Variants in ANKRD11 observed in about 807,000 individuals in gnomAD.
ANKRD11 encodes ankyrin repeat domain 11, also known as ankyrin repeat domain-containing protein 11.
Under a neutral mutation model 195.7 loss-of-function variants are expected in ANKRD11, and 17 were observed. That is an observed-to-expected ratio of 0.09 (90% CI 0.06 to 0.13). The LOEUF (loss-of-function observed/expected upper bound fraction) is 0.13, where lower values mean the gene tolerates loss of function less well. Among genes scored for constraint, ANKRD11 ranks in the 10% least tolerant of loss-of-function variants. The probability of loss-of-function intolerance (pLI) is 1.00; values close to 1 mark genes in which losing one functional copy is unlikely to be tolerated. For synonymous variants in ANKRD11, 1,953 were observed against 1,528.1 expected, an observed-to-expected ratio of 1.28 and a Z score of -6.49; for missense variants, 3,735 against 3,566.1, an observed-to-expected ratio of 1.05 and a Z score of -1.21.
chr16:89,383,322 TGGCTGCTCTGGAGGGGCAGC>T (rs1202811216), intron 2 of ANKRD11, among the ~76,000 whole-genome samples: 1 of 152,248 alleles, frequency 6.6e-6, no homozygotes, highest in Non-Finnish European at 1.5e-5. Context: ...CATGCCTGCC[TGGCTGCTCTGGAGGGGCAGC>T]AGCAGCCCCA....
intron 2 of ANKRD11, among the ~76,000 whole-genome samples, chr16:89,350,703 T>G (rs2039173446): frequency 6.6e-6 from 1 of 152,212 alleles, no homozygotes; most frequent in Non-Finnish European, 1.5e-5. Context: ...AATACTACTC[T>G]GTATCATGAC....
At chr16:89,321,445 T>TGGGGCGGGAGCTGC (rs1304941274) in intron 2 of ANKRD11, among the ~76,000 whole-genome samples, 1 of 8,520 alleles carries the variant, frequency 1.2e-4, no homozygotes, top group African/African-American at 5.2e-4. Flanking sequence ...GGGCAGGGTG[T>TGGGGCGGGAGCTGC]GGGGCGGGAG....
At position 89,286,369 on chromosome 16, in the gene ANKRD11, C is replaced by T. The variant is rs563255182; in HGVS notation, c.745-183G>A. 1,948 of 864,054 alleles carry T rather than the reference C, an allele frequency of 2.3e-3. 7 individuals carry two copies. Among genetic ancestry groups the T allele is most frequent in the Non-Finnish European group, 2.9e-3 (1,595 of 549,562 alleles). The allele number at this position is 864,054 out of a possible 1,614,324, so 53.5% of individuals were successfully genotyped here. On this transcript the variant is annotated intron_variant, in intron 7 of 12. Transcript: ENST00000301030. ...CTGGCGAGGCTCTGGGTGTGGTGGG[C>T]GAGGCTGTGGCTCCTCTGTGGGAAG...
chr16:89,451,199 C>G (rs1045249860), intron 1 of ANKRD11, among the ~76,000 whole-genome samples: 1 of 152,160 alleles, frequency 6.6e-6, no homozygotes, highest in Admixed American at 6.5e-5. Context: ...TACAGACTAG[C>G]CTAACAAGTG....
chr16:89,385,605 C>A (rs1474302979), intron 2 of ANKRD11, among the ~76,000 whole-genome samples: 1 of 152,178 alleles, frequency 6.6e-6, no homozygotes, highest in Non-Finnish European at 1.5e-5. Flanking sequence ...TCACCATATT[C>A]CCAACACAAC....
intron 3 of ANKRD11, among the ~76,000 whole-genome samples, chr16:89,307,989 GGAAGGTTCTACCAAACATGT>G (rs2036394428): frequency 6.6e-6 from 1 of 151,602 alleles, no homozygotes; most frequent in South Asian, 2.1e-4. Flanking sequence ...CCTGATGAGG[GGAAGGTTCTACCAAACATGT>G]GAAGGTTCTA....
chr16:89,380,812 G>C (rs141037620), intron 2 of ANKRD11, among the ~76,000 whole-genome samples: 30 of 152,370 alleles, frequency 2.0e-4, no homozygotes, highest in South Asian at 4.1e-4. Flanking sequence ...CGAGCACTGG[G>C]GCTTATGGGA....
chr16:89,365,581 G>A (rs2039909261), intron 2 of ANKRD11, among the ~76,000 whole-genome samples: 2 of 152,242 alleles, frequency 1.3e-5, no homozygotes, highest in Non-Finnish European at 2.9e-5. Context: ...TATGTCTTGT[G>A]TATGCCTTAA....
At chr16:89,296,722 C>T (rs531762609) in intron 4 of ANKRD11, among the ~76,000 whole-genome samples, 2 of 152,234 alleles carry the variant, frequency 1.3e-5, no homozygotes, top group African/African-American at 2.4e-5. Flanking sequence ...CCAGGCTCTT[C>T]GTCTGTCTAC....
chr16:89,364,901 A>G (rs1182296506), intron 2 of ANKRD11, among the ~76,000 whole-genome samples: 2 of 152,238 alleles, frequency 1.3e-5, no homozygotes, highest in Non-Finnish European at 2.9e-5. Flanking sequence ...GAAAAGCCTC[A>G]TCGAATGCTG....
intron 2 of ANKRD11, among the ~76,000 whole-genome samples, chr16:89,379,127 C>T (rs1486007151): frequency 2.6e-5 from 4 of 152,208 alleles, no homozygotes; most frequent in Non-Finnish European, 5.9e-5. Flanking sequence ...TTCTCACTGG[C>T]TTCTAGAAGG....
chr16:89,324,388 T>C (rs1269271686), intron 2 of ANKRD11: 2 of 619,508 alleles, frequency 3.2e-6, no homozygotes, highest in Admixed American at 4.7e-5. Context: ...GGGCGCAAAG[T>C]TCTCAGCTTC....
At chr16:89,268,731 C>G (rs2032855439) in intron 12 of ANKRD11, 68 bp from the exon 13 acceptor site, 11 of 1,525,362 alleles carry the variant, frequency 7.2e-6, no homozygotes, top group Non-Finnish European at 9.8e-6. Flanking sequence ...CTGCCGACCT[C>G]AGCTGCCAGC....
intron 1 of ANKRD11, among the ~76,000 whole-genome samples, chr16:89,480,129 C>A (rs1183312578): frequency 6.7e-6 from 1 of 148,722 alleles, no homozygotes; most frequent in East Asian, 2.0e-4. Context: ...AAAATTAAGT[C>A]TTTCCTGCCA....
In ANKRD11 at chr16:89,282,113, G is replaced by T. The variant is rs199761925; in HGVS notation, c.4429C>A (p.Arg1477=). Residue 1477 remains arginine (R), a synonymous_variant, in exon 9 of 13, where the codon CGG becomes AGG. Transcript: ENST00000301030. The stretch of plus-strand genomic sequence containing the variant: ...AGCAGCCCATCCGCATGCCTGTCCC[G>T]GTGCCTCTCCTTCTCGTCTCTCCAT... The part of the protein sequence containing the change: ...EKWRDEKERH[R]DRHADGLLRH... 3.1e-6 allele frequency: 5 copies of T among 1,613,902 alleles called. No homozygotes were observed. The East Asian group carries it at 1.1e-4, about 36-fold the overall frequency.
At position 89,282,567 on chromosome 16, in the gene ANKRD11, G is replaced by T; in HGVS notation, c.3975C>A (p.Phe1325Leu). The T allele has an allele frequency of 6.2e-7, 1 of 1,614,026 alleles. No homozygotes were observed. Among genetic ancestry groups the T allele is most frequent in the Non-Finnish European group, 8.5e-7 (1 of 1,179,956 alleles). ...GCTTGTCGTCTCCAGGTGGCTCCGT[G>T]AAAGAGACCTCCAGGAAGGCAGTCA... ...PGLTAFLEVS[F>L]TEPPGDDKPR... The change falls in exon 9 of 13, where the codon TTC becomes TTA. Residue 1325 changes from phenylalanine to leucine, a missense_variant. Phe to Leu is a conservative substitution (Grantham distance 22). Transcript: ENST00000301030.
intron 2 of ANKRD11, among the ~76,000 whole-genome samples, chr16:89,396,548 T>C (rs539454223): frequency 6.2e-4 from 95 of 152,318 alleles, no homozygotes; most frequent in South Asian, 2.1e-4. Flanking sequence ...ATTTTTTTTT[T>C]GTATACTTCA....
intron 2 of ANKRD11, among the ~76,000 whole-genome samples, chr16:89,327,219 C>T (rs1489193600): frequency 6.6e-6 from 1 of 152,180 alleles, no homozygotes; most frequent in Non-Finnish European, 1.5e-5. Context: ...AAAGAAGAAA[C>T]ACCACATAAT....
intron 2 of ANKRD11, among the ~76,000 whole-genome samples, chr16:89,417,326 A>G (rs1333784581): frequency 1.3e-5 from 2 of 152,234 alleles, no homozygotes; most frequent in East Asian, 3.8e-4. Flanking sequence ...CTTTAAAACC[A>G]TGACTCACAC....
Sources: allele counts gnomAD v4.1 joint callset (sites outside exome capture counted in the v4.1 genomes callset), GRCh38; gene constraint gnomAD v4.1.1; transcripts MANE v1.5; gene names NCBI Gene and HGNC (gene_info 2026-07-23, HGNC 2026-07-21).